The following WARS2 variants were observed in gnomAD, a reference collection of about 807,000 sequenced individuals.
WARS2 encodes the protein tryptophanyl tRNA synthetase 2, mitochondrial.
WARS2 carries 28 observed loss-of-function variants against 36.5 expected under a neutral mutation model. That is an observed-to-expected ratio of 0.77 (90% CI 0.57 to 1.05). WARS2 has a LOEUF of 1.05. Among genes scored for constraint, WARS2 ranks in the 50% least tolerant of loss-of-function variants. WARS2 has a pLI of 0.00. For missense variants in WARS2, 435 were observed against 456.8 expected, an observed-to-expected ratio of 0.95 and a Z score of 0.44; for synonymous variants, 174 against 178.4, an observed-to-expected ratio of 0.98 and a Z score of 0.20.
In WARS2 at chr1:119,059,539, T is replaced by A. The variant is rs1219670862; in HGVS notation, c.349-13877A>T. Among the ~76,000 whole-genome samples the A allele has an allele frequency of 4.6e-5, 7 of 152,210 alleles. No homozygotes were observed. In the East Asian group the frequency reaches 1.3e-3, roughly 29 times the overall value. On this transcript the variant is annotated intron_variant, in intron 2 of 5. Coordinates refer to ENST00000235521, the MANE Select transcript of WARS2 (RefSeq NM_015836.4). ...TTCTACATTTCTTTTCAGTGACCTG[T>A]AAGTCTATGTCCATACCACACTCTC...
At chr1:119,096,889 T>C (rs771350682) in intron 1 of WARS2, among the ~76,000 whole-genome samples, 6 of 152,198 alleles carry the variant, frequency 3.9e-5, no homozygotes, top group Non-Finnish European at 7.3e-5. Flanking sequence ...GATGACAAAT[T>C]ACTGTACCAT....
chr1:119,092,709 A>G (rs1429050579), intron 1 of WARS2, among the ~76,000 whole-genome samples: 1 of 152,222 alleles, frequency 6.6e-6, no homozygotes, highest in Non-Finnish European at 1.5e-5. Context: ...CCTCAGTTTC[A>G]TCACCTGAAA....
chr1:119,129,731 A>AAT (rs1655954856), intron 1 of WARS2, among the ~76,000 whole-genome samples: 1 of 151,590 alleles, frequency 6.6e-6, no homozygotes, highest in Non-Finnish European at 1.5e-5. Context: ...TAAAAATAAA[A>AAT]AAAAAATAAA....
intron 3 of WARS2, among the ~76,000 whole-genome samples, chr1:119,043,225 A>G (rs1322922284): frequency 6.6e-6 from 1 of 150,920 alleles, no homozygotes; most frequent in Non-Finnish European, 1.5e-5. Flanking sequence ...CCTAAGGTAT[A>G]GCATCTCTTG....
chr1:119,111,728 T>A (rs1262840623), intron 1 of WARS2, among the ~76,000 whole-genome samples: 5 of 152,116 alleles, frequency 3.3e-5, no homozygotes, highest in Non-Finnish European at 5.9e-5. Context: ...CTCCAGGAGT[T>A]CCTCAATTAC....
chr1:119,048,666 G>A (rs1450096639), intron 2 of WARS2, among the ~76,000 whole-genome samples: 3 of 152,178 alleles, frequency 2.0e-5, no homozygotes, highest in African/African-American at 7.2e-5. Context: ...ACGCGGACAT[G>A]TGCCCATGGA....
In WARS2 at chr1:119,095,708, G is replaced by A. The variant is rs587754940; in HGVS notation, c.91-19101C>T. Among the ~76,000 whole-genome samples the A allele has an allele frequency of 1.6e-3, 238 of 152,338 alleles. 1 individual carries two copies. Among genetic ancestry groups the A allele is most frequent in the African/African-American group, 5.2e-3 (218 of 41,582 alleles). ...GGCCTCCCAAAGTGCTGGGATTACAGGAGCAAGCCACTGCACCCAGCCAGT... is the reference window on the plus strand; with the variant it reads ...GGCCTCCCAAAGTGCTGGGATTACAAGAGCAAGCCACTGCACCCAGCCAGT... On this transcript the variant is annotated intron_variant, in intron 1 of 5. Transcript: ENST00000235521.
intron 1 of WARS2, among the ~76,000 whole-genome samples, chr1:119,078,215 T>C (rs1218098318): frequency 3.3e-5 from 5 of 152,186 alleles, no homozygotes; most frequent in Non-Finnish European, 7.3e-5. Context: ...CTATTAAGAC[T>C]TTATTATATT....
At chr1:119,101,210 T>C (rs932916643) in intron 1 of WARS2, among the ~76,000 whole-genome samples, 1 of 152,178 alleles carries the variant, frequency 6.6e-6, no homozygotes, top group Non-Finnish European at 1.5e-5. Flanking sequence ...ACACCCTAAG[T>C]ACCCTTACTT....
chr1:119,097,856 A>ATC (rs1653554096), intron 1 of WARS2, among the ~76,000 whole-genome samples: 1 of 152,178 alleles, frequency 6.6e-6, no homozygotes, highest in Non-Finnish European at 1.5e-5. Flanking sequence ...CATGACACTC[A>ATC]GAGTCCCCAT....
intron 1 of WARS2, among the ~76,000 whole-genome samples, chr1:119,101,195 G>A (rs1188034631): frequency 6.6e-6 from 1 of 152,068 alleles, no homozygotes; most frequent in East Asian, 1.9e-4. Flanking sequence ...GTACTTGGAT[G>A]ATGGACACCC....
At chr1:119,133,656 T>C (rs888565467) in intron 1 of WARS2, among the ~76,000 whole-genome samples, 7 of 152,196 alleles carry the variant, frequency 4.6e-5, no homozygotes, top group Non-Finnish European at 1.0e-4. Flanking sequence ...TGTTTGCTAT[T>C]ATCACCACCA....
At chr1:119,045,765 A>G in intron 2 of WARS2, 103 bp from the exon 3 acceptor site, 1 of 917,532 alleles carries the variant, frequency 1.1e-6, no homozygotes, top group East Asian at 2.7e-5. Context: ...AAATACCCCA[A>G]ATTAAGGTTA....
intron 2 of WARS2, among the ~76,000 whole-genome samples, chr1:119,056,907 G>A (rs1571288970): frequency 6.6e-6 from 1 of 152,212 alleles, no homozygotes; most frequent in Middle Eastern, 3.4e-3. Context: ...GAGTAGAATT[G>A]CTGGGTCACG....
intron 2 of WARS2, among the ~76,000 whole-genome samples, chr1:119,054,049 C>A (rs1333625961): frequency 1.3e-5 from 2 of 150,680 alleles, no homozygotes; most frequent in Non-Finnish European, 3.0e-5. Context: ...AGAGAGATAC[C>A]CCCTATCAAA....
chr1:119,035,483 A>G (rs565126487), intron 4 of WARS2, among the ~76,000 whole-genome samples: 4 of 152,222 alleles, frequency 2.6e-5, no homozygotes, highest in Non-Finnish European at 4.4e-5. Context: ...AGAGCTCAAT[A>G]AATGGTTGCT....
intron 2 of WARS2, 111 bp from the exon 3 acceptor site, chr1:119,045,773 T>A: frequency 1.2e-6 from 1 of 866,954 alleles, no homozygotes; most frequent in South Asian, 1.5e-5. Context: ...CAAATTAAGG[T>A]TATTATAAGA....
At chr1:119,050,981 T>C (rs1649302634) in intron 2 of WARS2, among the ~76,000 whole-genome samples, 1 of 152,262 alleles carries the variant, frequency 6.6e-6, no homozygotes, top group East Asian at 1.9e-4. Context: ...TTAATATTCA[T>C]TTTTGGTGTT....
intron 1 of WARS2, among the ~76,000 whole-genome samples, chr1:119,108,286 A>T (rs1654383190): frequency 6.6e-6 from 1 of 152,042 alleles, no homozygotes; most frequent in Non-Finnish European, 1.5e-5. Flanking sequence ...AACATCTACT[A>T]GAGTTCATCA....
Sources: allele counts gnomAD v4.1 joint callset (sites outside exome capture counted in the v4.1 genomes callset), GRCh38; gene constraint gnomAD v4.1.1; transcripts MANE v1.5; gene names NCBI Gene and HGNC (gene_info 2026-07-23, HGNC 2026-07-21).